Variants in SPOCK3 observed in about 807,000 individuals in gnomAD.
SPOCK3 encodes the protein testican-3.
Under a neutral mutation model 56.6 loss-of-function variants are expected in SPOCK3, and 30 were observed. That is an observed-to-expected ratio of 0.53 (90% CI 0.40 to 0.72). The LOEUF is 0.72. Ranked by LOEUF, SPOCK3 falls within the 30% of genes least tolerant of loss-of-function variation. The pLI, the probability that SPOCK3 is intolerant of heterozygous loss-of-function variation, is 0.00. For synonymous variants in SPOCK3, 196 were observed against 183.3 expected, an observed-to-expected ratio of 1.07 and a Z score of -0.56; for missense variants, 527 against 530.0, an observed-to-expected ratio of 0.99 and a Z score of 0.06.
At chr4:167,083,228 C>A in intron 2 of SPOCK3, 1 of 765,378 alleles carries the variant, frequency 1.3e-6, no homozygotes, top group Non-Finnish European at 2.4e-6. Flanking sequence ...ACACCCAACC[C>A]AAAGCAAACC....
At chr4:166,898,292 T>C (rs1480801900) in intron 5 of SPOCK3, among the ~76,000 whole-genome samples, 3 of 152,152 alleles carry the variant, frequency 2.0e-5, no homozygotes, top group Non-Finnish European at 2.9e-5. Flanking sequence ...CACTAACCTC[T>C]GGGCAGGGGG....
intron 2 of SPOCK3, among the ~76,000 whole-genome samples, chr4:167,198,462 C>A (rs76950710): frequency 2.0e-5 from 3 of 151,982 alleles, no homozygotes; most frequent in Admixed American, 2.0e-4. Context: ...CCCATGTCTA[C>A]GCAAATATGC....
intron 3 of SPOCK3, among the ~76,000 whole-genome samples, chr4:167,024,851 TAAAAA>T (rs933114308): frequency 4.6e-5 from 7 of 151,886 alleles, no homozygotes; most frequent in African/African-American, 1.4e-4. Context: ...TATGGAAAAA[TAAAAA>T]AAAATTTTAA....
At chr4:166,888,295 A>G (rs1579544714) in intron 6 of SPOCK3, among the ~76,000 whole-genome samples, 1 of 152,212 alleles carries the variant, frequency 6.6e-6, no homozygotes, top group East Asian at 1.9e-4. Context: ...TATCCACACT[A>G]ATAAGGGCAT....
chr4:166,776,202 CAGG>C (rs1030638570), intron 7 of SPOCK3, among the ~76,000 whole-genome samples: 2 of 152,044 alleles, frequency 1.3e-5, no homozygotes, highest in Admixed American at 6.6e-5. Context: ...ACCAGGAGGT[CAGG>C]AGATCGAGAC....
rs1368500786 is a variant in SPOCK3, at chr4:166,735,040, A to G, written c.1183T>C (p.Trp395Arg). 1 of 1,598,154 alleles carries G rather than the reference A, an allele frequency of 6.3e-7. No homozygotes were observed. The highest frequency in any genetic ancestry group is 8.6e-7 in the Non-Finnish European group (1 of 1,167,226). ...GDFASGDFHE[W>R]TDDEDDEDDI... ...TCTTCATCATCCTCATCATCAGTCC[A>G]TTCATGAAAATCGCCACTAGCAAAA... Residue 395 changes from tryptophan (W) to arginine (R), a missense_variant, in exon 11 of 11, where the codon TGG becomes CGG. Trp to Arg is a moderately radical substitution (Grantham distance 101, BLOSUM62 -3). Coordinates refer to ENST00000357545, the MANE Select transcript of SPOCK3 (RefSeq NM_001040159.2).
chr4:166,865,974 A>T (rs1489346443), intron 6 of SPOCK3, among the ~76,000 whole-genome samples: 4 of 152,106 alleles, frequency 2.6e-5, no homozygotes, highest in Non-Finnish European at 5.9e-5. Context: ...TGTAGCCAAG[A>T]CAGTCCTAAA....
intron 6 of SPOCK3, among the ~76,000 whole-genome samples, chr4:166,872,659 TTAAA>T (rs1434906538): frequency 6.6e-6 from 1 of 152,130 alleles, no homozygotes; most frequent in Non-Finnish European, 1.5e-5. Context: ...TCAAAGAAAC[TTAAA>T]TAAACATCAC....
chr4:167,147,129 A>G (rs1764029129), intron 2 of SPOCK3, among the ~76,000 whole-genome samples: 1 of 152,210 alleles, frequency 6.6e-6, no homozygotes, highest in Non-Finnish European at 1.5e-5. Flanking sequence ...TAAAGGGGAT[A>G]TCACCACTGA....
At chr4:167,222,648 C>A (rs1215011606) in intron 2 of SPOCK3, among the ~76,000 whole-genome samples, 2 of 132,224 alleles carry the variant, frequency 1.5e-5, no homozygotes, top group East Asian at 2.2e-4. Flanking sequence ...ATTATATATT[C>A]ATATATAAAT....
At chr4:167,165,510 G>A (rs141903390) in intron 2 of SPOCK3, among the ~76,000 whole-genome samples, 320 of 152,044 alleles carry the variant, frequency 2.1e-3, no homozygotes, top group African/African-American at 7.0e-3. Context: ...ACAGTGAGAT[G>A]CCATCTCACA....
At chr4:166,813,953 C>CA (rs1469905480) in intron 6 of SPOCK3, among the ~76,000 whole-genome samples, 2 of 151,794 alleles carry the variant, frequency 1.3e-5, no homozygotes, top group African/African-American at 4.8e-5. Flanking sequence ...AATTGAAGCA[C>CA]AAAAAAACAT....
chr4:166,891,929 T>C (rs1734831041), intron 5 of SPOCK3, among the ~76,000 whole-genome samples: 1 of 152,048 alleles, frequency 6.6e-6, no homozygotes, highest in African/African-American at 2.4e-5. Context: ...TTCATAGATG[T>C]GTTATACCAC....
intron 2 of SPOCK3, among the ~76,000 whole-genome samples, chr4:167,067,899 T>C (rs1756316638): frequency 6.6e-6 from 1 of 151,802 alleles, no homozygotes; most frequent in Non-Finnish European, 1.5e-5. Flanking sequence ...GCATTCAGAA[T>C]TACATTTTAT....
rs546112395 is a variant in SPOCK3 at position 167,161,165 on chromosome 4, C to A, written c.189+72820G>T. On this transcript the variant is annotated intron_variant, in intron 2 of 10. Transcript: ENST00000357545. ...CTCATCTGACAAAGGGCTAATATCC[C>A]GAATCTACAAAGAACTCAAACAAAT... 2.7e-3 allele frequency among the ~76,000 whole-genome samples: 409 copies of A among 152,000 alleles called. 2 individuals are homozygous for A. Among genetic ancestry groups the A allele is most frequent in the Middle Eastern group, 0.014 (4 of 294 alleles).
At chr4:166,743,640 C>T (rs776323122) in intron 8 of SPOCK3, among the ~76,000 whole-genome samples, 10 of 152,106 alleles carry the variant, frequency 6.6e-5, no homozygotes, top group Admixed American at 5.2e-4. Context: ...GAGTATGAGC[C>T]GAAGCAGGGC....
chr4:167,014,529 C>T (rs1750412769), intron 3 of SPOCK3, among the ~76,000 whole-genome samples: 1 of 151,930 alleles, frequency 6.6e-6, no homozygotes, highest in Non-Finnish European at 1.5e-5. Context: ...GTGACATACA[C>T]CTGTAGTCTC....
chr4:166,974,608 G>A (rs915499509), intron 4 of SPOCK3, among the ~76,000 whole-genome samples: 2 of 151,782 alleles, frequency 1.3e-5, no homozygotes, highest in South Asian at 2.1e-4. Context: ...TATACTCATT[G>A]TCTCTAATTT....
intron 7 of SPOCK3, among the ~76,000 whole-genome samples, chr4:166,767,475 CA>C (rs1738254254): frequency 6.6e-6 from 1 of 152,088 alleles, no homozygotes; most frequent in East Asian, 1.9e-4. Context: ...GCAGGTTGTT[CA>C]GTTTCCATGT....
Sources: gnomAD v4.1 joint callset for allele counts (sites outside exome capture counted in the v4.1 genomes callset) on GRCh38, gnomAD v4.1.1 for gene constraint, MANE v1.5 for transcripts, NCBI Gene and HGNC (gene_info 2026-07-23, HGNC 2026-07-21) for gene names.